Variants in MCTP2 observed in about 807,000 individuals in gnomAD.
MCTP2 encodes the protein multiple C2 and transmembrane domain-containing protein 2.
MCTP2 carries 132 observed loss-of-function variants against 111.6 expected under a neutral mutation model. The observed-to-expected ratio is 1.18, with a 90% CI of 1.03 to 1.37. The LOEUF (loss-of-function observed/expected upper bound fraction) is 1.37, where lower values mean the gene tolerates loss of function less well. Ranked by LOEUF, MCTP2 falls within the 40% of genes most tolerant of loss-of-function variation. The pLI, the probability that MCTP2 is intolerant of heterozygous loss-of-function variation, is 0.00. For synonymous variants in MCTP2, 395 were observed against 387.7 expected, an observed-to-expected ratio of 1.02 and a Z score of -0.22; for missense variants, 1,183 against 1,067.9, an observed-to-expected ratio of 1.11 and a Z score of -1.50.
intron 19 of MCTP2, among the ~76,000 whole-genome samples, chr15:94,455,632 G>A (rs2084776775): frequency 6.6e-6 from 1 of 151,794 alleles, no homozygotes; most frequent in Non-Finnish European, 1.5e-5. Flanking sequence ...TCACCATGTT[G>A]GTCAGAATGG....
At chr15:94,398,239 C>T (rs975089518) in intron 14 of MCTP2, among the ~76,000 whole-genome samples, 1 of 152,152 alleles carries the variant, frequency 6.6e-6, no homozygotes, top group Non-Finnish European at 1.5e-5. Flanking sequence ...GATTTATTTA[C>T]TTAATTTGCA....
intron 1 of MCTP2, among the ~76,000 whole-genome samples, chr15:94,263,467 G>A (rs924526160): frequency 1.3e-4 from 20 of 152,136 alleles, no homozygotes; most frequent in African/African-American, 4.3e-4. Flanking sequence ...CATTTAACAC[G>A]TATTGTTGAC....
intron 2 of MCTP2, among the ~76,000 whole-genome samples, chr15:94,301,581 C>T (rs949809856): frequency 1.3e-5 from 2 of 152,216 alleles, no homozygotes; most frequent in Admixed American, 6.5e-5. Flanking sequence ...TTGCGCATAG[C>T]ACATAACGTA....
intron 21 of MCTP2, among the ~76,000 whole-genome samples, chr15:94,471,090 C>T (rs192289174): frequency 3.9e-5 from 6 of 152,270 alleles, no homozygotes; most frequent in South Asian, 4.1e-4. Context: ...CTCAAACTAG[C>T]GGTTGGACAA....
intron 4 of MCTP2, among the ~76,000 whole-genome samples, chr15:94,325,545 G>A (rs36077707): frequency 0.4 from 61,207 of 151,354 alleles, 13,528 homozygotes; most frequent in East Asian, 0.6. Context: ...TCCCCCTGCC[G>A]CCACCACCAC....
chr15:94,420,390 T>C (rs2152493127), intron 17 of MCTP2, among the ~76,000 whole-genome samples: 1 of 152,210 alleles, frequency 6.6e-6, no homozygotes. Context: ...GAAATATATT[T>C]TGTAAAATGA....
At position 94,458,127 on chromosome 15, in the gene MCTP2, T is replaced by G. The variant is rs200783189; in HGVS notation, c.2251-10T>G. 1.2e-5 allele frequency: 18 copies of G among 1,507,622 alleles called. No individual in the cohort carries two copies. Among genetic ancestry groups the G allele is most frequent in the Non-Finnish European group, 1.6e-5 (17 of 1,083,822 alleles). 93.4% of individuals were successfully genotyped at this position (1,507,622 alleles called of 1,614,324 possible). The stretch of plus-strand genomic sequence containing the variant: ...GTAACTGAGTTAAATCTTGCTTTTA[T>G]GTTTTCTAGGAATCTGAGAAAAAGG... On this transcript the variant is annotated splice_polypyrimidine_tract_variant and intron_variant, in intron 19 of 22. Transcript: ENST00000357742.
At chr15:94,429,025 G>T (rs1438078260) in intron 17 of MCTP2, among the ~76,000 whole-genome samples, 2 of 151,952 alleles carry the variant, frequency 1.3e-5, no homozygotes, top group African/African-American at 4.8e-5. Flanking sequence ...CTTCTCTTCT[G>T]CCTTGAACTT....
chr15:94,449,119 AG>A lies in MCTP2; in HGVS notation c.2250+6165del, dbSNP rs1199428725. On this transcript the variant is annotated intron_variant, in intron 19 of 22. Transcript: ENST00000357742. ...TGAGTTTATGAGATAATTGATAGAAAGGGGGGATACCACTTTTTTCTTCAAG... is the reference window on the plus strand; with the variant it reads ...TGAGTTTATGAGATAATTGATAGAAAGGGGGATACCACTTTTTTCTTCAAG... Among the ~76,000 whole-genome samples, 11 of 152,338 alleles carry A rather than the reference AG, an allele frequency of 7.2e-5. No individual in the cohort carries two copies. The South Asian group carries it at 8.3e-4, about 11-fold the overall frequency.
chr15:94,327,964 A>G (rs1416063638), intron 4 of MCTP2, among the ~76,000 whole-genome samples: 1 of 152,050 alleles, frequency 6.6e-6, no homozygotes, highest in East Asian at 1.9e-4. Context: ...ATTCCTATGA[A>G]ATACCTTGGA....
chr15:94,401,835 C>T (rs2081607196), intron 16 of MCTP2, 65 bp from the exon 17 acceptor site: 3 of 1,289,184 alleles, frequency 2.3e-6, no homozygotes, highest in Admixed American at 2.1e-5. Flanking sequence ...ATCAGGGTAC[C>T]TGATCTAGAT....
chr15:94,440,152 T>A lies in MCTP2; in HGVS notation c.2086-24T>A, dbSNP rs769164541. 6.8e-6 allele frequency: 11 copies of A among 1,611,442 alleles called. No homozygotes were observed. The South Asian group carries it at 1.1e-4, about 16-fold the overall frequency. ...CCTAGTGTTTTATCAAGCAGTCGTG[T>A]ATTCTTATTTGTCTTTCAATCAGGT... On this transcript the variant is annotated intron_variant, in intron 17 of 22. Transcript: ENST00000357742.
chr15:94,444,000 A>AAAAC lies in MCTP2; in HGVS notation c.2250+1043_2250+1044insCAAA, dbSNP rs1555476119. On this transcript the variant is annotated intron_variant, in intron 19 of 22. Transcript: ENST00000357742. ...TTTTACCAAAAAAAAAAAAAAAAAA[A>AAAAC]AAAAAACAGAAGTATTAGTGAAATT... 4.7e-5 allele frequency among the ~76,000 whole-genome samples: 7 copies of AAAAC among 149,960 alleles called. 1 individual carries two copies. The South Asian group carries it at 1.3e-3, about 27-fold the overall frequency.
At chr15:94,420,078 C>T (rs997402857) in intron 17 of MCTP2, among the ~76,000 whole-genome samples, 1 of 152,036 alleles carries the variant, frequency 6.6e-6, no homozygotes. Flanking sequence ...TCCTAGGGCC[C>T]TTAAGAATTC....
At chr15:94,402,621 G>A in intron 17 of MCTP2, 2 of 1,548,528 alleles carry the variant, frequency 1.3e-6, no homozygotes, top group Non-Finnish European at 1.7e-6. Flanking sequence ...GTCTACCACT[G>A]AGAGCCCAAG....
intron 19 of MCTP2, among the ~76,000 whole-genome samples, chr15:94,451,167 A>G (rs2152520430): frequency 6.6e-6 from 1 of 152,350 alleles, no homozygotes; most frequent in East Asian, 1.9e-4. Context: ...TCCTTTTAAC[A>G]TTTTATAAAT....
At chr15:94,412,423 C>T (rs1296941210) in intron 17 of MCTP2, among the ~76,000 whole-genome samples, 1 of 151,958 alleles carries the variant, frequency 6.6e-6, no homozygotes, top group Non-Finnish European at 1.5e-5. Context: ...ACCTCGTGCT[C>T]ACTTGACTGA....
intron 19 of MCTP2, among the ~76,000 whole-genome samples, chr15:94,449,398 G>A (rs2084308640): frequency 6.6e-6 from 1 of 152,208 alleles, no homozygotes; most frequent in East Asian, 1.9e-4. Context: ...TCTCAGCCAG[G>A]ATAGTGGCAA....
At chr15:94,243,007 A>G (rs1322863106) in intron 1 of MCTP2, among the ~76,000 whole-genome samples, 8 of 91,206 alleles carry the variant, frequency 8.8e-5, no homozygotes, top group Non-Finnish European at 1.4e-4. Context: ...GTATCTACAC[A>G]TACACGTGTA....
Sources: allele counts gnomAD v4.1 joint callset (sites outside exome capture counted in the v4.1 genomes callset), GRCh38; gene constraint gnomAD v4.1.1; transcripts MANE v1.5; gene names NCBI Gene and HGNC (gene_info 2026-07-23, HGNC 2026-07-21).